The following DOK6 variants were observed in gnomAD, a reference collection of about 807,000 sequenced individuals.
DOK6 encodes the protein docking protein 6.
In DOK6, 22 loss-of-function variants were observed where a neutral mutation model predicts 44.0. The ratio of observed to expected loss-of-function variants is 0.50; its 90% CI spans 0.36 to 0.71. The LOEUF (loss-of-function observed/expected upper bound fraction) is 0.71. DOK6 is among the 30% of genes least tolerant of loss of function. The pLI, the probability that DOK6 is intolerant of heterozygous loss-of-function variation, is 0.00. For missense variants in DOK6, 340 were observed against 416.4 expected, an observed-to-expected ratio of 0.82 and a Z score of 1.60; for synonymous variants, 166 against 145.5, an observed-to-expected ratio of 1.14 and a Z score of -1.01.
chr18:69,528,162 C>CAA (rs1555710307), intron 1 of DOK6, among the ~76,000 whole-genome samples: 80 of 70,560 alleles, frequency 1.1e-3, no homozygotes, highest in Admixed American at 1.7e-3. Flanking sequence ...GACTCTGTCT[C>CAA]AAAAAAAAAA....
chr18:69,768,366 C>T (rs1481719468), intron 7 of DOK6, among the ~76,000 whole-genome samples: 2 of 151,896 alleles, frequency 1.3e-5, no homozygotes, highest in Non-Finnish European at 2.9e-5. Flanking sequence ...GCATCTGGTT[C>T]ACCATATATG....
chr18:69,436,159 C>T (rs575703008), intron 1 of DOK6, among the ~76,000 whole-genome samples: 5 of 144,016 alleles, frequency 3.5e-5, no homozygotes, highest in South Asian at 2.2e-4. Context: ...GATACATATA[C>T]GAATTATCTG....
At chr18:69,712,512 T>C (rs946665176) in intron 5 of DOK6, among the ~76,000 whole-genome samples, 15 of 152,150 alleles carry the variant, frequency 9.9e-5, no homozygotes, top group Middle Eastern at 3.4e-3. Context: ...ATGTATATAA[T>C]CCACCAAACT....
At position 69,549,109 on chromosome 18, in the gene DOK6, C is replaced by A. The variant is rs1046500643; in HGVS notation, c.67-15378C>A. ...AGACTCCGTCTCAAAAAAAAAAAAA[C>A]AACAACAAAAAATTTCTACCTTAAC... On this transcript the variant is annotated intron_variant, in intron 1 of 7. Coordinates refer to ENST00000382713, the MANE Select transcript of DOK6 (RefSeq NM_152721.6). 5.8e-4 allele frequency among the ~76,000 whole-genome samples: 71 copies of A among 122,314 alleles called. 2 individuals are homozygous for A. The highest frequency in any genetic ancestry group is 9.6e-4 in the Non-Finnish European group (51 of 53,378). 80.2% of individuals were successfully genotyped at this position (122,314 alleles called of 152,430 possible).
intron 1 of DOK6, among the ~76,000 whole-genome samples, chr18:69,407,519 A>G (rs1041071943): frequency 1.3e-5 from 2 of 152,200 alleles, no homozygotes; most frequent in Non-Finnish European, 2.9e-5. Context: ...GAGTCCACAA[A>G]TTCTAGATAG....
At chr18:69,542,720 G>C (rs1344892108) in intron 1 of DOK6, among the ~76,000 whole-genome samples, 1 of 151,270 alleles carries the variant, frequency 6.6e-6, no homozygotes, top group Non-Finnish European at 1.5e-5. Context: ...TTCATTTCAA[G>C]GGAGCTTTGT....
chr18:69,756,153 G>A (rs1979346776), intron 6 of DOK6, among the ~76,000 whole-genome samples: 1 of 152,190 alleles, frequency 6.6e-6, no homozygotes, highest in South Asian at 2.1e-4. Flanking sequence ...TGACCTGGGT[G>A]GGTCAGAGGT....
At chr18:69,741,885 A>T (rs1411090531) in intron 6 of DOK6, among the ~76,000 whole-genome samples, 1 of 152,168 alleles carries the variant, frequency 6.6e-6, no homozygotes, top group African/African-American at 2.4e-5. Context: ...AAATAACAAA[A>T]TTGTAACTTG....
chr18:69,669,220 C>A (rs140444027), intron 3 of DOK6, among the ~76,000 whole-genome samples: 9 of 152,204 alleles, frequency 5.9e-5, no homozygotes, highest in Middle Eastern at 3.4e-3. Context: ...GCAAAGTACC[C>A]GACAGGTAAT....
At chr18:69,734,504 C>G (rs907366388) in intron 5 of DOK6, among the ~76,000 whole-genome samples, 1 of 149,628 alleles carries the variant, frequency 6.7e-6, no homozygotes, top group African/African-American at 2.5e-5. Flanking sequence ...TGTGGAAAAG[C>G]TGTGCTTTGA....
At chr18:69,836,993 G>T (rs1982072349) in intron 7 of DOK6, among the ~76,000 whole-genome samples, 1 of 152,082 alleles carries the variant, frequency 6.6e-6, no homozygotes, top group South Asian at 2.1e-4. Flanking sequence ...AGCATCATTT[G>T]TGAATTATCT....
At chr18:69,608,769 G>A (rs979745621) in intron 3 of DOK6, among the ~76,000 whole-genome samples, 1 of 151,916 alleles carries the variant, frequency 6.6e-6, no homozygotes, top group African/African-American at 2.4e-5. Flanking sequence ...GGCCAACATG[G>A]TGAAACCCCG....
chr18:69,458,675 A>AT (rs1843738952), intron 1 of DOK6, among the ~76,000 whole-genome samples: 2 of 152,218 alleles, frequency 1.3e-5, no homozygotes, highest in Admixed American at 1.3e-4. Context: ...CTGATAAACA[A>AT]TTTTAGCAAG....
chr18:69,646,078 G>T (rs1362362682), intron 3 of DOK6, among the ~76,000 whole-genome samples: 1 of 152,096 alleles, frequency 6.6e-6, no homozygotes, highest in African/African-American at 2.4e-5. Context: ...TTTTACTAGA[G>T]TATATCTAGG....
chr18:69,755,968 G>C (rs1325592653), intron 6 of DOK6, among the ~76,000 whole-genome samples: 1 of 152,200 alleles, frequency 6.6e-6, no homozygotes, highest in African/African-American at 2.4e-5. Context: ...GACCTGAAGG[G>C]GCCAGGCTCC....
At chr18:69,752,267 T>G (rs1979208695) in intron 6 of DOK6, among the ~76,000 whole-genome samples, 1 of 152,160 alleles carries the variant, frequency 6.6e-6, no homozygotes. Flanking sequence ...TAAAAAATCC[T>G]ACAAGAATTT....
At chr18:69,774,130 T>TA (rs1568122448) in intron 7 of DOK6, among the ~76,000 whole-genome samples, 1 of 14,728 alleles carries the variant, frequency 6.8e-5, no homozygotes, top group Non-Finnish European at 3.5e-4. Flanking sequence ...GATATATATA[T>TA]GAGATATATA....
chr18:69,596,944 T>C (rs866197713), intron 2 of DOK6, among the ~76,000 whole-genome samples: 2 of 152,018 alleles, frequency 1.3e-5, no homozygotes, highest in Admixed American at 1.3e-4. Context: ...TGACTTCAGA[T>C]AGTAACTCAA....
intron 1 of DOK6, among the ~76,000 whole-genome samples, chr18:69,496,385 T>TACC (rs936918505): frequency 6.6e-6 from 1 of 152,242 alleles, no homozygotes; most frequent in African/African-American, 2.4e-5. Flanking sequence ...TTGTCCCGGC[T>TACC]ACCACCAGGT....
Sources: allele counts gnomAD v4.1 joint callset (sites outside exome capture counted in the v4.1 genomes callset), GRCh38; gene constraint gnomAD v4.1.1; transcripts MANE v1.5; gene names NCBI Gene and HGNC (gene_info 2026-07-23, HGNC 2026-07-21).